Variants in HCRTR2 observed in about 807,000 individuals in gnomAD.
HCRTR2 encodes the protein orexin receptor type 2.
A neutral mutation model predicts 49.0 loss-of-function variants in HCRTR2; 22 were observed. The ratio of observed to expected loss-of-function variants is 0.45; its 90% confidence interval spans 0.32 to 0.64. HCRTR2 has a LOEUF of 0.64. Ranked by LOEUF, HCRTR2 falls within the 30% of genes least tolerant of loss-of-function variation. The pLI is 0.04. For synonymous variants in HCRTR2, 236 were observed against 205.3 expected (o/e 1.15, Z -1.28); for missense variants, 491 against 559.4 (o/e 0.88, Z 1.23).
rs1766491399 is a variant in HCRTR2 at position 55,248,667 on chromosome 6, C to T, written c.252C>T (p.His84=). The change falls in exon 2 of 7, where the codon CAC becomes CAT. Residue 84 remains histidine (H), a synonymous_variant. Transcript: ENST00000370862. ...LVCVAVWKNH[H]MRTVTNYFIV... is the part of the protein sequence containing the mutation. Reference sequence around the variant, plus strand: ...GTGTGGCAGTGTGGAAGAACCACCACATGAGGACGGTAACCAACTACTTCA... The same window carrying T: ...GTGTGGCAGTGTGGAAGAACCACCATATGAGGACGGTAACCAACTACTTCA... 1 of 1,613,426 alleles carries T rather than the reference C, an allele frequency of 6.2e-7. No homozygotes were observed.
intron 1 of HCRTR2, among the ~76,000 whole-genome samples, chr6:55,135,102 G>GAATT (rs1345185342): frequency 2.6e-5 from 4 of 151,992 alleles, no homozygotes; most frequent in African/African-American, 9.6e-5. Context: ...GAAAGATGAG[G>GAATT]AATTAATGAA....
intron 1 of HCRTR2, among the ~76,000 whole-genome samples, chr6:55,204,219 G>C (rs1352262553): frequency 1.3e-5 from 2 of 152,064 alleles, no homozygotes; most frequent in Non-Finnish European, 2.9e-5. Context: ...CATGGAAGTT[G>C]GTAGATGAAT....
At chr6:55,122,897 C>T (rs1011102849) in intron 1 of HCRTR2, among the ~76,000 whole-genome samples, 4 of 139,792 alleles carry the variant, frequency 2.9e-5, no homozygotes, top group Admixed American at 8.2e-5. Flanking sequence ...TGTTCTCACT[C>T]ATAGGTGGGA....
intron 1 of HCRTR2, among the ~76,000 whole-genome samples, chr6:55,230,670 T>A (rs1282103154): frequency 6.6e-6 from 1 of 152,136 alleles, no homozygotes; most frequent in African/African-American, 2.4e-5. Context: ...GTTTTGTATT[T>A]TGTACGAAAT....
Position 55,248,744 on chromosome 6 carries a change from C to A in HCRTR2, c.329C>A (p.Ala110Asp). Residue 110 changes from alanine to aspartate, a missense_variant, in exon 2 of 7, where the codon GCC becomes GAC. Physicochemically the swap from Ala to Asp is moderately radical, Grantham distance 126. Transcript: ENST00000370862. ...CTCGTGACCATCACCTGCCTTCCAG[C>A]CACACTGGTCGTGGATATCACTGAG... ...DVLVTITCLPATLVVDITETW... is the reference protein window; with the variant it reads ...DVLVTITCLPDTLVVDITETW... The A allele has an allele frequency of 6.2e-7, 1 of 1,613,502 alleles. No individual in the cohort carries two copies. Among genetic ancestry groups the A allele is most frequent in the Non-Finnish European group, 8.5e-7 (1 of 1,179,560 alleles).
intron 1 of HCRTR2, among the ~76,000 whole-genome samples, chr6:55,110,971 G>A (rs1000558526): frequency 4.6e-5 from 7 of 151,976 alleles, no homozygotes; most frequent in African/African-American, 1.7e-4. Context: ...TCATATGATA[G>A]GTCACTAAAC....
chr6:55,108,478 C>T (rs1335001237), intron 1 of HCRTR2, among the ~76,000 whole-genome samples: 2 of 151,894 alleles, frequency 1.3e-5, no homozygotes, highest in East Asian at 3.9e-4. Context: ...ACATCCTCAC[C>T]CCAATTCATT....
chr6:55,187,429 A>G lies in HCRTR2; in HGVS notation c.223+12619A>G, dbSNP rs12206455. Among the ~76,000 whole-genome samples the G allele has an allele frequency of 8.9e-3, 105 of 11,764 alleles. 3 individuals carry two copies. The highest frequency in any genetic ancestry group is 0.015 in the East Asian group (6 of 402). 7.7% of individuals were successfully genotyped at this position (11,764 alleles called of 152,430 possible). A position where few individuals can be genotyped will look rare whatever the true frequency, so the allele number is the denominator to read the frequency against. On this transcript the variant is annotated intron_variant, in intron 1 of 6. Transcript: ENST00000370862. ...TCCGTCTCAAAAAAAAAAAAAAAAA[A>G]AAAAAAAAAAAAAAAAAAAAGAAAA...
chr6:55,156,953 T>C (rs1388656309), intron 1 of HCRTR2, among the ~76,000 whole-genome samples: 2 of 152,078 alleles, frequency 1.3e-5, no homozygotes, highest in African/African-American at 2.4e-5. Flanking sequence ...AAGACTGAAA[T>C]CTCTGAATAT....
rs1319362860 is a variant in HCRTR2, at chr6:55,147,113, A to G, written c.-377-27098A>G. Among the ~76,000 whole-genome samples the G allele has an allele frequency of 5.3e-5, 8 of 152,252 alleles. 1 individual carries two copies. The South Asian group carries it at 1.0e-3, about 20-fold the overall frequency. On this transcript the variant is annotated intron_variant, in intron 1 of 7. Transcript: ENST00000615358. ...ACTATTACATACTTATTTTCTCCCA[A>G]AATGTAAGGTAATAATCTATTCTAA...
chr6:55,138,552 A>G (rs1764462484), intron 1 of HCRTR2, among the ~76,000 whole-genome samples: 1 of 152,224 alleles, frequency 6.6e-6, no homozygotes. Flanking sequence ...AGATTGAGAA[A>G]TAGATGTTAA....
intron 1 of HCRTR2, among the ~76,000 whole-genome samples, chr6:55,207,136 G>A (rs965125154): frequency 6.6e-6 from 1 of 151,982 alleles, no homozygotes; most frequent in Non-Finnish European, 1.5e-5. Context: ...TTATTGAGAT[G>A]GAGTCTCGTT....
chr6:55,198,923 G>T (rs919061480), intron 1 of HCRTR2, among the ~76,000 whole-genome samples: 19 of 152,128 alleles, frequency 1.2e-4, no homozygotes, highest in African/African-American at 3.4e-4. Context: ...AGATGAAATG[G>T]CCTCAGGCCT....
At chr6:55,260,172 A>G (rs1353895037) in intron 3 of HCRTR2, among the ~76,000 whole-genome samples, 1 of 152,164 alleles carries the variant, frequency 6.6e-6, no homozygotes, top group Non-Finnish European at 1.5e-5. Context: ...GCTGCAGTGG[A>G]AAAAATTTAC....
At chr6:55,282,150 C>T (rs971838522) in intron 6 of HCRTR2, 75 bp from the exon 7 acceptor site, 2 of 1,056,262 alleles carry the variant, frequency 1.9e-6, no homozygotes, top group Non-Finnish European at 2.9e-6. Flanking sequence ...GGGAGCAACT[C>T]AGTTGTACCC....
At chr6:55,245,824 GC>G (rs1404989809) in intron 1 of HCRTR2, among the ~76,000 whole-genome samples, 1 of 151,772 alleles carries the variant, frequency 6.6e-6, no homozygotes, top group Non-Finnish European at 1.5e-5. Context: ...TTGAATGAAT[GC>G]CTTTTTGATT....
chr6:55,205,196 T>G (rs1022211303), intron 1 of HCRTR2, among the ~76,000 whole-genome samples: 1 of 152,136 alleles, frequency 6.6e-6, no homozygotes, highest in Admixed American at 6.6e-5. Context: ...GGATGTACTT[T>G]TGGGAAATGG....
chr6:55,108,363 C>T (rs1272010976), intron 1 of HCRTR2, among the ~76,000 whole-genome samples: 5 of 152,048 alleles, frequency 3.3e-5, no homozygotes, highest in African/African-American at 1.2e-4. Flanking sequence ...CAAAAGAATT[C>T]ACAGACCCTT....
upstream of HCRTR2, chr6:55,174,432 TC>T (rs1371770242): frequency 1.4e-6 from 1 of 712,236 alleles, no homozygotes; most frequent in Non-Finnish European, 2.5e-6. Context: ...GGCAGAAGAC[TC>T]CGGAGGCATT....
Sources: gnomAD v4.1 joint callset for allele counts (sites outside exome capture counted in the v4.1 genomes callset) on GRCh38, gnomAD v4.1.1 for gene constraint, MANE v1.5 for transcripts, NCBI Gene and HGNC (gene_info 2026-07-23, HGNC 2026-07-21) for gene names.